The following EIF4G3 variants were observed in gnomAD, a reference collection of about 807,000 sequenced individuals.
EIF4G3 encodes eukaryotic translation initiation factor 4 gamma 3, also known as eIF-4-gamma 3.
In EIF4G3, 34 loss-of-function variants were observed where a neutral mutation model predicts 186.4. The observed-to-expected ratio is 0.18, with a 90% CI of 0.14 to 0.24. The LOEUF (loss-of-function observed/expected upper bound fraction) is 0.24. Ranked by LOEUF, EIF4G3 falls within the 10% of genes least tolerant of loss-of-function variation. The pLI is 1.00. For synonymous variants in EIF4G3, 673 were observed against 679.5 expected (o/e 0.99, Z 0.15); for missense variants, 1,536 against 1,948.5 (o/e 0.79, Z 3.99).
At chr1:20,923,231 G>A (rs1331613618) in intron 14 of EIF4G3, among the ~76,000 whole-genome samples, 1 of 152,112 alleles carries the variant, frequency 6.6e-6, no homozygotes, top group Non-Finnish European at 1.5e-5. Flanking sequence ...TGCCCCAACA[G>A]CACAGTATGT....
In EIF4G3 at chr1:20,864,531, C is replaced by T; in HGVS notation, c.2951G>A (p.Cys984Tyr). 1 of 1,614,216 alleles carries T rather than the reference C, an allele frequency of 6.2e-7. No individual in the cohort carries two copies. The change falls in exon 22 of 37, where the codon TGC becomes TAC. Residue 984 changes from cysteine to tyrosine, a missense_variant. Around this residue, in one of 11 missense-constraint regions of EIF4G3, gnomAD observed 110 missense variants for 166.2 expected, o/e 0.66. Transcript: ENST00000602326. Reference protein sequence around the residue: ...LKNHDEESLECLCRLLTTIGK... With the variant: ...LKNHDEESLEYLCRLLTTIGK... ...AATGGTGGTGAGCAGGCGACACAGG[C>T]ACTCCAGGGATTCTTCATCATGGTT...
intron 3 of EIF4G3, among the ~76,000 whole-genome samples, chr1:21,082,888 A>C (rs964830435): frequency 1.3e-5 from 2 of 151,530 alleles, no homozygotes; most frequent in South Asian, 4.2e-4. Context: ...AATACAAAAA[A>C]TTAGCCGGGC....
chr1:21,062,522 T>C (rs1285555691), intron 3 of EIF4G3, among the ~76,000 whole-genome samples: 1 of 152,234 alleles, frequency 6.6e-6, no homozygotes, highest in Non-Finnish European at 1.5e-5. Context: ...AGGATTGATA[T>C]GGATCTAGCA....
At chr1:20,942,991 T>A (rs2095782965) in intron 13 of EIF4G3, among the ~76,000 whole-genome samples, 1 of 151,974 alleles carries the variant, frequency 6.6e-6, no homozygotes, top group East Asian at 1.9e-4. Flanking sequence ...TAACCAGAAA[T>A]AATGTAAGGT....
chr1:20,977,111 AC>A (rs759632480), intron 10 of EIF4G3, among the ~76,000 whole-genome samples: 14 of 152,120 alleles, frequency 9.2e-5, no homozygotes, highest in Non-Finnish European at 1.3e-4. Flanking sequence ...TACGTATCAA[AC>A]TGTTAAATGT....
At chr1:20,955,077 G>C (rs946617696) in intron 12 of EIF4G3, among the ~76,000 whole-genome samples, 8 of 152,168 alleles carry the variant, frequency 5.3e-5, no homozygotes, top group African/African-American at 1.9e-4. Flanking sequence ...GATGCAGAAA[G>C]AACAGGGGAA....
At chr1:21,114,689 T>C (rs1221386278) in intron 2 of EIF4G3, among the ~76,000 whole-genome samples, 4 of 152,060 alleles carry the variant, frequency 2.6e-5, no homozygotes, top group African/African-American at 9.7e-5. Flanking sequence ...ATTAAGAAGA[T>C]GTATATTCGA....
chr1:21,143,588 T>G (rs1441239816), intron 2 of EIF4G3, among the ~76,000 whole-genome samples: 2 of 152,094 alleles, frequency 1.3e-5, no homozygotes, highest in Non-Finnish European at 2.9e-5. Context: ...ATACATTTAT[T>G]TCTTCTGTAG....
chr1:21,093,540 T>C (rs1318948483), intron 2 of EIF4G3, among the ~76,000 whole-genome samples: 1 of 152,222 alleles, frequency 6.6e-6, no homozygotes, highest in Admixed American at 6.5e-5. Context: ...GAAGACAGTG[T>C]GGTGATTCCT....
At chr1:20,853,382 T>A (rs1301674588) in intron 27 of EIF4G3, among the ~76,000 whole-genome samples, 178 bp downstream of exon 27, 2 of 152,144 alleles carry the variant, frequency 1.3e-5, no homozygotes, top group African/African-American at 4.8e-5. Flanking sequence ...CATCCCAAAT[T>A]CACCACCCAA....
intron 3 of EIF4G3, among the ~76,000 whole-genome samples, chr1:21,060,559 T>G (rs902467035): frequency 6.6e-6 from 1 of 152,076 alleles, no homozygotes; most frequent in Non-Finnish European, 1.5e-5. Flanking sequence ...CAAAGATCAT[T>G]TTGGTTGCTT....
chr1:21,169,509 T>G (rs1191644012), intron 2 of EIF4G3, among the ~76,000 whole-genome samples: 1 of 152,152 alleles, frequency 6.6e-6, no homozygotes, highest in Non-Finnish European at 1.5e-5. Context: ...CTAATAAGAT[T>G]ATGAGTGATT....
intron 4 of EIF4G3, among the ~76,000 whole-genome samples, chr1:21,039,489 A>G (rs2093433606): frequency 6.6e-6 from 1 of 152,224 alleles, no homozygotes; most frequent in Admixed American, 6.5e-5. Context: ...AAGATAAATT[A>G]GACTTTATCA....
At chr1:20,914,990 A>G (rs527604130) in intron 14 of EIF4G3, among the ~76,000 whole-genome samples, 3 of 152,236 alleles carry the variant, frequency 2.0e-5, no homozygotes, top group Non-Finnish European at 2.9e-5. Context: ...GGTTCTACCA[A>G]TTCTGTGTTT....
At chr1:20,986,878 T>C (rs1028714392) in intron 7 of EIF4G3, among the ~76,000 whole-genome samples, 6 of 151,690 alleles carry the variant, frequency 4.0e-5, no homozygotes, top group Non-Finnish European at 5.9e-5. Context: ...CCTCCTAAAC[T>C]TCATTTCAAT....
intron 2 of EIF4G3, among the ~76,000 whole-genome samples, chr1:21,121,697 C>T (rs971453569): frequency 1.9e-4 from 29 of 151,868 alleles, no homozygotes; most frequent in African/African-American, 7.0e-4. Context: ...ATCACTTGAA[C>T]CTGGGAGGCG....
intron 4 of EIF4G3, among the ~76,000 whole-genome samples, chr1:21,041,094 T>TA (rs1425587698): frequency 3.8e-4 from 58 of 152,298 alleles, no homozygotes; most frequent in African/African-American, 1.4e-3. Flanking sequence ...TCCTTTAAAT[T>TA]TAATTCGACT....
chr1:21,129,030 T>C (rs2097101643), intron 2 of EIF4G3, among the ~76,000 whole-genome samples: 1 of 152,064 alleles, frequency 6.6e-6, no homozygotes, highest in Admixed American at 6.6e-5. Context: ...ATACAAAAAA[T>C]CTGGCCGGGC....
chr1:20,838,085 T>C (rs994926538), intron 30 of EIF4G3, among the ~76,000 whole-genome samples: 1 of 152,192 alleles, frequency 6.6e-6, no homozygotes, highest in South Asian at 2.1e-4. Context: ...AGTGTGGTAA[T>C]TATTGCCGGC....
Sources: gnomAD v4.1 joint callset for allele counts (sites outside exome capture counted in the v4.1 genomes callset) on GRCh38, gnomAD v4.1.1 for gene constraint, gnomAD v4.1.1 regional missense constraint, MANE v1.5 for transcripts, NCBI Gene and HGNC (gene_info 2026-07-23, HGNC 2026-07-21) for gene names.